Variants in ZNF141 observed in about 807,000 individuals in gnomAD.
ZNF141 encodes the protein zinc finger protein 141.
A neutral mutation model predicts 11.3 loss-of-function variants in ZNF141; 7 were observed. The ratio of observed to expected loss-of-function variants is 0.62; its 90% CI spans 0.35 to 1.16. The LOEUF (loss-of-function observed/expected upper bound fraction) is 1.16, where lower values mean the gene tolerates loss of function less well. Among genes scored for constraint, ZNF141 ranks in the 50% most tolerant of loss-of-function variants. ZNF141 has a pLI of 0.02. For missense variants in ZNF141, 535 were observed against 554.0 expected, an observed-to-expected ratio of 0.97 and a Z score of 0.34; for synonymous variants, 183 against 190.7, an observed-to-expected ratio of 0.96 and a Z score of 0.33.
chr4:377,357 C>G lies in ZNF141; in HGVS notation c.*3495C>G, dbSNP rs180988715. Among the ~76,000 whole-genome samples the G allele has an allele frequency of 6.6e-6, 1 of 152,092 alleles. No homozygotes were observed. Among genetic ancestry groups the G allele is most frequent in the Non-Finnish European group, 1.5e-5 (1 of 68,020 alleles). Reference sequence around the variant, plus strand: ...GTAAGAGATTGAAAATAATCTGTGGCGAACAAATGGCATTAATTGTGCATG... The same window carrying G: ...GTAAGAGATTGAAAATAATCTGTGGGGAACAAATGGCATTAATTGTGCATG... On this transcript the variant is annotated 3_prime_UTR_variant, in exon 4 of 4. Coordinates refer to ENST00000240499, the MANE Select transcript of ZNF141 (RefSeq NM_003441.4).
intron 3 of ZNF141, among the ~76,000 whole-genome samples, chr4:355,304 C>T (rs782097398): frequency 6.6e-5 from 10 of 152,090 alleles, no homozygotes; most frequent in Non-Finnish European, 1.2e-4. Context: ...CTCCCAGGTT[C>T]AAGCAATTCA....
chr4:369,764 ATTTTTTTTT>A (rs34509477), intron 3 of ZNF141, among the ~76,000 whole-genome samples: 1 of 48,742 alleles, frequency 2.1e-5, no homozygotes, highest in Non-Finnish European at 3.1e-5. Flanking sequence ...ATATATATAT[ATTTTTTTTT>A]TTTTTTTTTT....
In ZNF141 at chr4:381,559, C is replaced by T. The variant is rs1553855657; in HGVS notation, c.*7697C>T. ...GAGTAGCTGGGACTAACAGGTGCGC[C>T]CCACCACGCCTGAAAAATTTTTGTA... On this transcript the variant is annotated 3_prime_UTR_variant, in exon 4 of 4. Transcript: ENST00000240499. Among the ~76,000 whole-genome samples the T allele has an allele frequency of 6.6e-6, 1 of 151,776 alleles. No homozygotes were observed. The highest frequency in any genetic ancestry group is 1.5e-5 in the Non-Finnish European group (1 of 67,970).
Position 353,239 on chromosome 4 carries a change from T to G in ZNF141, c.226+8809T>G, listed in dbSNP as rs1721686833. On this transcript the variant is annotated intron_variant, in intron 3 of 3. Coordinates refer to ENST00000240499, the MANE Select transcript of ZNF141 (RefSeq NM_003441.4). ...AATACAGAAAGTTAGCCAGGCATGG[T>G]GGCACGAACTTGTATTCCCAGCTAC... Among the ~76,000 whole-genome samples, 3 of 151,982 alleles carry G rather than the reference T, an allele frequency of 2.0e-5. No homozygotes were observed. The South Asian group carries it at 6.3e-4, about 32-fold the overall frequency.
chr4:377,601 G>T lies in ZNF141; in HGVS notation c.*3739G>T, dbSNP rs1375977800. 6.6e-6 allele frequency among the ~76,000 whole-genome samples: 1 copy of T among 152,104 alleles called. No individual in the cohort carries two copies. Among genetic ancestry groups the T allele is most frequent in the South Asian group, 2.1e-4 (1 of 4,814 alleles). On this transcript the variant is annotated 3_prime_UTR_variant, in exon 4 of 4. Transcript: ENST00000240499. ...TCACGTGGACTTTAGGTTAACTGGG[G>T]TGTTTGAGGTTATTTATAGGTTATC...
chr4:341,378 T>A (rs1393318138), intron 1 of ZNF141, among the ~76,000 whole-genome samples: 1 of 152,204 alleles, frequency 6.6e-6, no homozygotes, highest in Non-Finnish European at 1.5e-5. Flanking sequence ...TGAGTTTTGA[T>A]GCCATTATGT....
chr4:343,724 CAA>C (rs35268031), intron 1 of ZNF141, 56 bp from the exon 2 acceptor site: 43,932 of 843,670 alleles, frequency 0.052, no homozygotes, highest in South Asian at 0.063. Context: ...GACTCCGTCT[CAA>C]AAAAAAAAAA....
At chr4:364,357 C>T (rs888132415) in intron 3 of ZNF141, among the ~76,000 whole-genome samples, 1 of 152,108 alleles carries the variant, frequency 6.6e-6, no homozygotes, top group Non-Finnish European at 1.5e-5. Context: ...TAATTATTGC[C>T]TCAATTTCAG....
At position 383,884 on chromosome 4, in the gene ZNF141, A is replaced by T. The variant is rs1404286063; in HGVS notation, c.*10022A>T. 3 of 152,386 alleles carry T rather than the reference A, an allele frequency of 2.0e-5. No homozygotes were observed. Among genetic ancestry groups the T allele is most frequent in the Non-Finnish European group, 4.4e-5 (3 of 68,060 alleles). 9.4% of individuals were successfully genotyped at this position (152,386 alleles called of 1,614,324 possible). A position where few individuals can be genotyped will look rare whatever the true frequency, so the allele number is the denominator to read the frequency against. ...AAGGAGTACTTAAAACCCAGAAAAC[A>T]TTGTAACCGGGTCCTTGGGCGGCTT... On this transcript the variant is annotated 3_prime_UTR_variant, in exon 4 of 4. Coordinates refer to ENST00000240499, the MANE Select transcript of ZNF141 (RefSeq NM_003441.4).
At position 373,787 on chromosome 4, in the gene ZNF141, C is replaced by T; in HGVS notation, c.1350C>T (p.Pro450=). 6.2e-7 allele frequency: 1 copy of T among 1,614,090 alleles called. No homozygotes were observed. The highest frequency in any genetic ancestry group is 2.2e-5 in the East Asian group (1 of 44,880). Residue 450 remains proline, a synonymous_variant, in exon 4 of 4, where the codon CCC becomes CCT. Transcript: ENST00000240499. ...QHKKIHTVDK[P]YKCKDCDKAF... is the part of the protein sequence containing the mutation. Reference sequence around the variant, plus strand: ...AGAAAATTCATACTGTAGATAAACCCTACAAATGTAAAGATTGTGACAAAG... The same window carrying T: ...AGAAAATTCATACTGTAGATAAACCTTACAAATGTAAAGATTGTGACAAAG...
chr4:356,947 C>G (rs1359599177), intron 3 of ZNF141, among the ~76,000 whole-genome samples: 2 of 151,448 alleles, frequency 1.3e-5, no homozygotes, highest in Non-Finnish European at 2.9e-5. Context: ...TAAAATTTTG[C>G]CTTCAATTTA....
chr4:343,720 G>A (rs1041991521), intron 1 of ZNF141, 62 bp from the exon 2 acceptor site: 392 of 1,200,462 alleles, frequency 3.3e-4, no homozygotes, highest in East Asian at 4.0e-4. Context: ...GCGAGACTCC[G>A]TCTCAAAAAA....
At chr4:352,312 G>A (rs578144377) in intron 3 of ZNF141, among the ~76,000 whole-genome samples, 3 of 152,168 alleles carry the variant, frequency 2.0e-5, no homozygotes, top group Non-Finnish European at 2.9e-5. Context: ...ACTTGAACCC[G>A]GGAGGCGGAG....
rs1007266849 is a variant in ZNF141, at chr4:380,972, C to T, written c.*7110C>T. ...CCATATAAACTCTAGAATTGCCCTT[C>T]GATACTGACGTACTTGGGAACAGCT... On this transcript the variant is annotated 3_prime_UTR_variant, in exon 4 of 4. Coordinates refer to ENST00000240499, the MANE Select transcript of ZNF141 (RefSeq NM_003441.4). 4.6e-5 allele frequency among the ~76,000 whole-genome samples: 7 copies of T among 152,158 alleles called. No individual in the cohort carries two copies. The highest frequency in any genetic ancestry group is 2.1e-4 in the South Asian group (1 of 4,836).
At chr4:346,891 A>ACCCC (rs1227407362) in intron 3 of ZNF141, among the ~76,000 whole-genome samples, 4 of 120,102 alleles carry the variant, frequency 3.3e-5, no homozygotes, top group Admixed American at 8.0e-5. Context: ...ACACACACAC[A>ACCCC]CACCGCCCCC....
intron 1 of ZNF141, chr4:338,481 C>A (rs1405046488): frequency 6.2e-6 from 1 of 160,690 alleles, no homozygotes; most frequent in Non-Finnish European, 1.4e-5. Context: ...TGTGAGGAAG[C>A]GAAGCAAATC....
chr4:344,477 G>A (rs74323716), intron 3 of ZNF141, 47 bp downstream of exon 3: 12 of 1,531,446 alleles, frequency 7.8e-6, no homozygotes, highest in East Asian at 2.3e-5. Context: ...GGGGACCAAA[G>A]GTCAAGAAGG....
At chr4:339,881 A>C (rs1720970008) in intron 1 of ZNF141, among the ~76,000 whole-genome samples, 1 of 152,238 alleles carries the variant, frequency 6.6e-6, no homozygotes, top group Non-Finnish European at 1.5e-5. Context: ...AGCTGTGGGA[A>C]GTTTATTTTC....
In ZNF141 at chr4:347,803, C is replaced by G. The variant is rs189618720; in HGVS notation, c.226+3373C>G. ...TGGGTTATTCATTATTATTGTTTTG[C>G]TTTTTTGCTTTGAATTGCAGAAGTT... On this transcript the variant is annotated intron_variant, in intron 3 of 3. Coordinates refer to ENST00000240499, the MANE Select transcript of ZNF141 (RefSeq NM_003441.4). Among the ~76,000 whole-genome samples, 1,101 of 146,736 alleles carry G rather than the reference C, an allele frequency of 7.5e-3. 10 individuals are homozygous for G. In the Middle Eastern group the frequency reaches 0.077, roughly 10 times the overall value.
Sources: allele counts gnomAD v4.1 joint callset (sites outside exome capture counted in the v4.1 genomes callset), GRCh38; gene constraint gnomAD v4.1.1; transcripts MANE v1.5; gene names NCBI Gene and HGNC (gene_info 2026-07-23, HGNC 2026-07-21).